The following TOX variants were observed in gnomAD, a reference collection of about 807,000 sequenced individuals.
The protein encoded by TOX is thymocyte selection associated high mobility group box.
In TOX, 11 loss-of-function variants were observed where a neutral mutation model predicts 53.7. The ratio of observed to expected loss-of-function variants is 0.20; its 90% CI spans 0.13 to 0.34. The LOEUF (loss-of-function observed/expected upper bound fraction) is 0.34, where lower values mean the gene tolerates loss of function less well. TOX is among the 10% of genes least tolerant of loss of function. The probability of loss-of-function intolerance (pLI) is 1.00; values close to 1 mark genes in which losing one functional copy is unlikely to be tolerated. For synonymous variants in TOX, 225 were observed against 245.3 expected (o/e 0.92, Z 0.77); for missense variants, 570 against 664.6 (o/e 0.86, Z 1.56).
At chr8:59,034,869 T>G (rs1235578711) in intron 1 of TOX, among the ~76,000 whole-genome samples, 1 of 152,096 alleles carries the variant, frequency 6.6e-6, no homozygotes, top group Admixed American at 6.5e-5. Context: ...CCCTACGGGG[T>G]AGGAATGAGT....
At chr8:58,924,052 G>A (rs979060953) in intron 3 of TOX, among the ~76,000 whole-genome samples, 2 of 152,188 alleles carry the variant, frequency 1.3e-5, no homozygotes, top group Non-Finnish European at 2.9e-5. Flanking sequence ...CTTCTGATAA[G>A]AGAATCTTCT....
chr8:58,896,434 T>G (rs555395126), intron 3 of TOX, among the ~76,000 whole-genome samples: 94 of 151,970 alleles, frequency 6.2e-4, no homozygotes, highest in African/African-American at 2.3e-3. Flanking sequence ...TCCCAGCACT[T>G]TGGATGGCTG....
intron 3 of TOX, among the ~76,000 whole-genome samples, chr8:58,911,389 T>C (rs1280039524): frequency 6.6e-6 from 1 of 152,220 alleles, no homozygotes; most frequent in Non-Finnish European, 1.5e-5. Context: ...TACCCCAAAC[T>C]TTATTCCAAT....
At chr8:59,049,862 T>A (rs905646393) in intron 1 of TOX, among the ~76,000 whole-genome samples, 4 of 152,204 alleles carry the variant, frequency 2.6e-5, no homozygotes, top group African/African-American at 9.6e-5. Flanking sequence ...AGTTCGCCTC[T>A]CTTTTGGAAT....
At chr8:58,838,827 C>T (rs1157552855) in intron 4 of TOX, among the ~76,000 whole-genome samples, 2 of 151,246 alleles carry the variant, frequency 1.3e-5, no homozygotes, top group East Asian at 2.0e-4. Flanking sequence ...TCAGCCTCCC[C>T]GACAGCTGGG....
intron 1 of TOX, among the ~76,000 whole-genome samples, chr8:59,083,830 C>T (rs909477367): frequency 6.6e-6 from 1 of 152,136 alleles, no homozygotes; most frequent in Non-Finnish European, 1.5e-5. Flanking sequence ...ACAATTTTTG[C>T]TGGAAGAATA....
Position 58,987,109 on chromosome 8 carries a change from A to C in TOX, c.103-27101T>G, listed in dbSNP as rs543705123. Among the ~76,000 whole-genome samples, 188 of 152,194 alleles carry C rather than the reference A, an allele frequency of 1.2e-3. 1 individual carries two copies. Among genetic ancestry groups the C allele is most frequent in the Admixed American group, 2.9e-3 (45 of 15,286 alleles). ...GAGATTCGTTTTCTTTAGCAATGAG[A>C]CTCTCCAGTTAGTGCCTAAGGCAGA... On this transcript the variant is annotated intron_variant, in intron 1 of 8. Transcript: ENST00000361421.
chr8:59,091,239 C>T (rs1804601926), intron 1 of TOX, among the ~76,000 whole-genome samples: 1 of 152,188 alleles, frequency 6.6e-6, no homozygotes, highest in African/African-American at 2.4e-5. Context: ...AAACTACCTT[C>T]ACCAAGTTGC....
chr8:58,874,226 A>AT (rs1196859171), intron 3 of TOX, among the ~76,000 whole-genome samples: 1 of 151,136 alleles, frequency 6.6e-6, no homozygotes, highest in Non-Finnish European at 1.5e-5. Context: ...CCTTTGGTAG[A>AT]TTTTTTTAAA....
intron 1 of TOX, among the ~76,000 whole-genome samples, chr8:58,998,352 G>A (rs979721920): frequency 6.6e-6 from 1 of 150,390 alleles, no homozygotes; most frequent in African/African-American, 2.5e-5. Flanking sequence ...AGCCAGGTTC[G>A]GTGGCATGCA....
intron 5 of TOX, among the ~76,000 whole-genome samples, chr8:58,836,499 G>C (rs1202658299): frequency 1.3e-5 from 2 of 152,154 alleles, no homozygotes; most frequent in Non-Finnish European, 2.9e-5. Context: ...TGTGTTTCCT[G>C]TTCTTAAAGA....
At chr8:59,010,200 G>T (rs1813876033) in intron 1 of TOX, among the ~76,000 whole-genome samples, 1 of 152,088 alleles carries the variant, frequency 6.6e-6, no homozygotes, top group Non-Finnish European at 1.5e-5. Context: ...ATTTTTTCAT[G>T]AATAAAATGA....
chr8:59,038,196 G>T (rs146760962), intron 1 of TOX, among the ~76,000 whole-genome samples: 1 of 152,060 alleles, frequency 6.6e-6, no homozygotes, highest in Non-Finnish European at 1.5e-5. Flanking sequence ...ATTACATTTC[G>T]ATCTGTCATA....
At chr8:59,050,905 C>G (rs1441267804) in intron 1 of TOX, among the ~76,000 whole-genome samples, 1 of 152,146 alleles carries the variant, frequency 6.6e-6, no homozygotes, top group Non-Finnish European at 1.5e-5. Flanking sequence ...TTAAATCATT[C>G]TTTGCTTTGA....
chr8:58,902,230 A>G (rs1195187360), intron 3 of TOX, among the ~76,000 whole-genome samples: 1 of 152,144 alleles, frequency 6.6e-6, no homozygotes, highest in Non-Finnish European at 1.5e-5. Context: ...TACAGCCTTT[A>G]TCTGACAGAA....
At chr8:59,052,656 C>T (rs1803812942) in intron 1 of TOX, among the ~76,000 whole-genome samples, 1 of 152,156 alleles carries the variant, frequency 6.6e-6, no homozygotes, top group African/African-American at 2.4e-5. Flanking sequence ...CATAAGAGTT[C>T]ACTGGGACCG....
At chr8:59,108,953 CTTT>C (rs1224163293) in intron 1 of TOX, among the ~76,000 whole-genome samples, 5 of 152,084 alleles carry the variant, frequency 3.3e-5, no homozygotes, top group African/African-American at 9.7e-5. Context: ...TGAATATGTT[CTTT>C]GTGTGCAGAA....
chr8:58,978,609 A>G (rs939633276), intron 1 of TOX, among the ~76,000 whole-genome samples: 1 of 152,248 alleles, frequency 6.6e-6, no homozygotes, highest in African/African-American at 2.4e-5. Context: ...GAGCAGCTTT[A>G]GGTACACAGC....
chr8:58,878,922 G>A (rs552745929), intron 3 of TOX, among the ~76,000 whole-genome samples: 3 of 152,010 alleles, frequency 2.0e-5, no homozygotes, highest in East Asian at 1.9e-4. Flanking sequence ...TTAGCCAGGT[G>A]TGGTGGCGCA....
Sources: allele counts gnomAD v4.1 joint callset (sites outside exome capture counted in the v4.1 genomes callset), GRCh38; gene constraint gnomAD v4.1.1; transcripts MANE v1.5; gene names NCBI Gene and HGNC (gene_info 2026-07-23, HGNC 2026-07-21).